Variants in PANK2 observed in about 807,000 individuals in gnomAD.
PANK2 encodes pantothenate kinase 2.
In PANK2, 36 loss-of-function variants were observed where a neutral mutation model predicts 43.1. That is an observed-to-expected ratio of 0.84 (90% CI 0.64 to 1.10). PANK2 has a LOEUF of 1.10. Among genes scored for constraint, PANK2 ranks in the 50% least tolerant of loss-of-function variants. The pLI is 0.00. For synonymous variants in PANK2, 281 were observed against 238.2 expected, an observed-to-expected ratio of 1.18 and a Z score of -1.66; for missense variants, 576 against 593.3, an observed-to-expected ratio of 0.97 and a Z score of 0.30.
chr20:3,889,923 G>C (rs1464843768), intron 1 of PANK2, 195 bp downstream of exon 1: 2 of 1,531,316 alleles, frequency 1.3e-6, no homozygotes, highest in Non-Finnish European at 1.7e-6. Flanking sequence ...GGGCCCCCCC[G>C]CACCCATTGG....
intron 3 of PANK2, 151 bp from the exon 4 acceptor site, chr20:3,912,307 C>T (rs2090480097): frequency 1.2e-6 from 1 of 815,828 alleles, no homozygotes; most frequent in Admixed American, 2.1e-5. Flanking sequence ...GTATATCAGG[C>T]ACCTTATCTT....
At chr20:3,890,573 T>C (rs1355693095) in intron 1 of PANK2, among the ~76,000 whole-genome samples, 2 of 152,230 alleles carry the variant, frequency 1.3e-5, no homozygotes, top group African/African-American at 4.8e-5. Context: ...TAATATGAGC[T>C]TTACAGTGTG....
At chr20:3,889,997 C>A in intron 1 of PANK2, 1 of 1,342,612 alleles carries the variant, frequency 7.4e-7, no homozygotes, top group Non-Finnish European at 1.0e-6. Context: ...CTTTTCTTAG[C>A]TCCTTGGGCA....
chr20:3,898,149 CTT>C (rs2090240482), intron 1 of PANK2, among the ~76,000 whole-genome samples: 1 of 152,140 alleles, frequency 6.6e-6, no homozygotes, highest in African/African-American at 2.4e-5. Context: ...AGAAGAATCT[CTT>C]TTGGCTATGG....
chr20:3,913,014 C>T (rs952183541), intron 4 of PANK2, among the ~76,000 whole-genome samples: 3 of 148,738 alleles, frequency 2.0e-5, no homozygotes, highest in East Asian at 4.0e-4. Context: ...ATATAATTTA[C>T]GTACTATAAA....
intron 1 of PANK2, among the ~76,000 whole-genome samples, chr20:3,896,103 C>T (rs1469731591): frequency 2.2e-4 from 34 of 151,574 alleles, no homozygotes; most frequent in Non-Finnish European, 1.5e-5. Context: ...GCTCTGTCGC[C>T]CAGGCTGGAG....
chr20:3,913,550 G>A (rs2090503266), intron 4 of PANK2, among the ~76,000 whole-genome samples: 1 of 151,894 alleles, frequency 6.6e-6, no homozygotes, highest in Non-Finnish European at 1.5e-5. Context: ...CTCCATGTTG[G>A]CCGGGCAGGT....
intron 6 of PANK2, among the ~76,000 whole-genome samples, chr20:3,920,622 G>A (rs568952171): frequency 2.6e-5 from 4 of 152,182 alleles, no homozygotes; most frequent in African/African-American, 9.6e-5. Flanking sequence ...CGAGGTGGGC[G>A]GATCATGAGG....
upstream of PANK2, chr20:3,889,032 G>T (rs544935101): frequency 7.7e-5 from 99 of 1,293,074 alleles, no homozygotes; most frequent in Non-Finnish European, 9.9e-5. Flanking sequence ...ACTCGGGGTC[G>T]CCCCAGGAGA....
At chr20:3,913,064 T>C (rs1273955871) in intron 4 of PANK2, among the ~76,000 whole-genome samples, 2 of 152,106 alleles carry the variant, frequency 1.3e-5, no homozygotes, top group East Asian at 3.8e-4. Context: ...GTTTCTAGTA[T>C]ATTTACAGGA....
At chr20:3,900,081 G>T (rs1005108808) in intron 1 of PANK2, among the ~76,000 whole-genome samples, 1 of 151,742 alleles carries the variant, frequency 6.6e-6, no homozygotes, top group African/African-American at 2.4e-5. Context: ...GTGTTGTTTG[G>T]TCTGCTAGTA....
At chr20:3,908,755 A>T (rs1435335413) in intron 2 of PANK2, 1 of 218,132 alleles carries the variant, frequency 4.6e-6, no homozygotes, top group Non-Finnish European at 9.2e-6. Flanking sequence ...CTGGTCTGAG[A>T]TGGGTGACTG....
At position 3,926,595 on chromosome 20, in the gene PANK2, T is replaced by G. The variant is rs1379968946; in HGVS notation, c.*3301T>G. The G allele has an allele frequency of 1.3e-5, 2 of 151,868 alleles. No individual in the cohort carries two copies. 9.4% of individuals were successfully genotyped at this position (151,868 alleles called of 1,614,324 possible). A position where few individuals can be genotyped will look rare whatever the true frequency, so the allele number is the denominator to read the frequency against. On this transcript the variant is annotated 3_prime_UTR_variant, in exon 7 of 7. Transcript: ENST00000610179. ...CTGGGATATAGCTAGGGGCTTGGGG[T>G]GGGGGCAACTCTTTGCAGGGTGGTG... is the stretch of plus-strand genomic sequence containing the variant.
intron 2 of PANK2, among the ~76,000 whole-genome samples, chr20:3,910,295 G>GTTTTTT (rs11441747): frequency 6.9e-6 from 1 of 143,906 alleles, no homozygotes. Context: ...AAATGCTGTG[G>GTTTTTT]TTTTTTTTTT....
At chr20:3,905,450 C>T (rs1175497004) in intron 1 of PANK2, among the ~76,000 whole-genome samples, 1 of 150,184 alleles carries the variant, frequency 6.7e-6, no homozygotes, top group Non-Finnish European at 1.5e-5. Context: ...GGGTTCATGC[C>T]ATTCTCCTGC....
Position 3,908,289 on chromosome 20 carries a change from T to C in PANK2, c.651+11T>C. ...CAGGATTTTCTCACAGTATGCATTT[T>C]TTAGCTTATATACAATTTATGGTAA... On this transcript the variant is annotated intron_variant, in intron 2 of 6. Coordinates refer to ENST00000610179, the MANE Select transcript of PANK2 (RefSeq NM_001386393.1). 6.3e-7 allele frequency: 1 copy of C among 1,575,716 alleles called. No homozygotes were observed. The highest frequency in any genetic ancestry group is 8.7e-7 in the Non-Finnish European group (1 of 1,155,750).
intron 1 of PANK2, among the ~76,000 whole-genome samples, chr20:3,891,947 C>CT (rs1448317187): frequency 1.3e-5 from 2 of 152,240 alleles, no homozygotes; most frequent in Non-Finnish European, 2.9e-5. Flanking sequence ...GAAAACCCAT[C>CT]TTTCCAGTAT....
intron 6 of PANK2, chr20:3,921,584 A>G (rs978372319): frequency 1.3e-5 from 2 of 152,216 alleles, no homozygotes; most frequent in Admixed American, 1.3e-4. Flanking sequence ...CTATTAAGAC[A>G]AACAGCCTTG....
In PANK2 at chr20:3,899,757, G is replaced by C. The variant is rs181258720; in HGVS notation, c.299-8169G>C. On this transcript the variant is annotated intron_variant, in intron 1 of 6. Transcript: ENST00000610179. ...GAGTCTCGCTCTGTTGCCCAGGCTG[G>C]AATGCAGTGCTGCGATCTTGGCTCA... Among the ~76,000 whole-genome samples, 228 of 138,892 alleles carry C rather than the reference G, an allele frequency of 1.6e-3. 6 individuals are homozygous for C. In the East Asian group the frequency reaches 0.04, roughly 24 times the overall value. 91.1% of individuals were successfully genotyped at this position (138,892 alleles called of 152,430 possible). A position where few individuals can be genotyped will look rare whatever the true frequency, so the allele number is the denominator to read the frequency against.
Sources: gnomAD v4.1 joint callset for allele counts (sites outside exome capture counted in the v4.1 genomes callset) on GRCh38, gnomAD v4.1.1 for gene constraint, MANE v1.5 for transcripts, NCBI Gene and HGNC (gene_info 2026-07-23, HGNC 2026-07-21) for gene names.